The following OSBPL6 variants were observed in gnomAD, a reference collection of about 807,000 sequenced individuals.
OSBPL6 encodes oxysterol-binding protein-related protein 6.
In OSBPL6, 49 loss-of-function variants were observed where a neutral mutation model predicts 125.8. That is an observed-to-expected ratio of 0.39 (90% CI 0.31 to 0.49). The LOEUF (loss-of-function observed/expected upper bound fraction) is 0.49, where lower values mean the gene tolerates loss of function less well. Among genes scored for constraint, OSBPL6 ranks in the 20% least tolerant of loss-of-function variants. The pLI is 0.88. For synonymous variants in OSBPL6, 394 were observed against 391.8 expected (o/e 1.01, Z -0.07); for missense variants, 986 against 1,135.4 (o/e 0.87, Z 1.89).
intron 1 of OSBPL6, among the ~76,000 whole-genome samples, chr2:178,241,775 C>T (rs2091304849): frequency 6.6e-6 from 1 of 152,164 alleles, no homozygotes; most frequent in African/African-American, 2.4e-5. Flanking sequence ...CCTTGGACAA[C>T]AGTGACTTTA....
At position 178,257,508 on chromosome 2, in the gene OSBPL6, A is replaced by T. The variant is rs1017066629; in HGVS notation, c.-350-27419A>T. On this transcript the variant is annotated intron_variant, in intron 1 of 24. Transcript: ENST00000190611. ...CTTTTTCTGTCGTAATATATTAATGATTTCTTCAACAAGGAATATGGCCTA... is the reference window on the plus strand; with the variant it reads ...CTTTTTCTGTCGTAATATATTAATGTTTTCTTCAACAAGGAATATGGCCTA... Among the ~76,000 whole-genome samples, 4 of 152,306 alleles carry T rather than the reference A, an allele frequency of 2.6e-5. No individual in the cohort carries two copies. The South Asian group carries it at 8.3e-4, about 32-fold the overall frequency.
At chr2:178,219,166 T>A (rs566168463) in intron 1 of OSBPL6, among the ~76,000 whole-genome samples, 3 of 152,302 alleles carry the variant, frequency 2.0e-5, no homozygotes, top group Non-Finnish European at 4.4e-5. Flanking sequence ...AGTGATAGAC[T>A]GTAAAAAAAT....
intron 3 of OSBPL6, among the ~76,000 whole-genome samples, chr2:178,317,573 A>G (rs1177910244): frequency 6.7e-6 from 1 of 150,342 alleles, no homozygotes; most frequent in Non-Finnish European, 1.5e-5. Flanking sequence ...TCTCATAAAT[A>G]TAAGATCTGA....
chr2:178,338,441 G>A (rs971583819), intron 9 of OSBPL6, among the ~76,000 whole-genome samples: 7 of 152,140 alleles, frequency 4.6e-5, no homozygotes, highest in Non-Finnish European at 7.3e-5. Context: ...CTGGACCAGC[G>A]AATGCACTTT....
At chr2:178,213,643 G>A (rs2153958750) in intron 1 of OSBPL6, among the ~76,000 whole-genome samples, 1 of 152,288 alleles carries the variant, frequency 6.6e-6, no homozygotes, top group Admixed American at 6.5e-5. Context: ...GTCTGATCAT[G>A]TCACTATGTG....
intron 1 of OSBPL6, among the ~76,000 whole-genome samples, chr2:178,224,999 C>T (rs1383507113): frequency 3.5e-5 from 2 of 56,440 alleles, no homozygotes; most frequent in East Asian, 5.8e-4. Flanking sequence ...TTCTCTCTCT[C>T]TCTTTCTCTC....
intron 1 of OSBPL6, chr2:178,230,540 A>C (rs1464519207): frequency 2.6e-5 from 4 of 152,174 alleles, no homozygotes; most frequent in African/African-American, 9.7e-5. Flanking sequence ...CTAAACGTGA[A>C]AGGTGCCCGA....
intron 1 of OSBPL6, among the ~76,000 whole-genome samples, chr2:178,238,679 C>T (rs2091160853): frequency 6.6e-6 from 1 of 152,092 alleles, no homozygotes; most frequent in South Asian, 2.1e-4. Context: ...TTGATAGATG[C>T]TTAGTTAAGA....
chr2:178,281,521 T>C (rs1158757555), intron 1 of OSBPL6, among the ~76,000 whole-genome samples: 3 of 152,192 alleles, frequency 2.0e-5, no homozygotes, highest in Non-Finnish European at 2.9e-5. Context: ...ATTTATTAAA[T>C]AGGGAATCCT....
chr2:178,212,343 G>A (rs2153956965), intron 1 of OSBPL6, among the ~76,000 whole-genome samples: 1 of 152,282 alleles, frequency 6.6e-6, no homozygotes, highest in Admixed American at 6.5e-5. Context: ...TCTTTTAGGG[G>A]CCAGGGCACT....
At position 178,220,370 on chromosome 2, in the gene OSBPL6, C is replaced by T. The variant is rs113805734; in HGVS notation, c.-351+25696C>T. ...GGAGTGCAGTGGGGTGATCTTGGCT[C>T]ACTGTAACCTCTACCTCCCAGGTTC... is the stretch of plus-strand genomic sequence containing the variant. On this transcript the variant is annotated intron_variant, in intron 1 of 24. Coordinates refer to ENST00000190611, the MANE Select transcript of OSBPL6 (RefSeq NM_032523.4). Among the ~76,000 whole-genome samples the T allele has an allele frequency of 6.6e-5, 10 of 152,252 alleles. 1 individual carries two copies. The highest frequency in any genetic ancestry group is 2.4e-4 in the African/African-American group (10 of 41,548).
chr2:178,332,597 A>G lies in OSBPL6; in HGVS notation c.373-44A>G, dbSNP rs769977197. On this transcript the variant is annotated intron_variant, in intron 6 of 24. Coordinates refer to ENST00000190611, the MANE Select transcript of OSBPL6 (RefSeq NM_032523.4). ...ACTTAAATACAGTACAGAAACATCA[A>G]ATCATATATCCTTTCAGCCTATTTA... The G allele has an allele frequency of 1.8e-5, 25 of 1,410,330 alleles. No individual in the cohort carries two copies. In the East Asian group the frequency reaches 1.8e-4, roughly 10 times the overall value. 87.4% of individuals were successfully genotyped at this position (1,410,330 alleles called of 1,614,324 possible). A position where few individuals can be genotyped will look rare whatever the true frequency, so the allele number is the denominator to read the frequency against.
At chr2:178,394,164 A>G (rs987831749) in intron 23 of OSBPL6, 149 bp from the exon 24 acceptor site, 3 of 921,516 alleles carry the variant, frequency 3.3e-6, no homozygotes, top group East Asian at 5.3e-5. Flanking sequence ...ACACCACTGC[A>G]CTCCAGCCTG....
rs190449032 is a variant in OSBPL6 at position 178,357,767 on chromosome 2, A to G, written c.1154-3915A>G. On this transcript the variant is annotated intron_variant, in intron 12 of 24. Coordinates refer to ENST00000190611, the MANE Select transcript of OSBPL6 (RefSeq NM_032523.4). Reference sequence around the variant, plus strand: ...CCAAAGGATTATAAATCATGCTACTATAAAGACACATGCACACATATGTTT... The same window carrying G: ...CCAAAGGATTATAAATCATGCTACTGTAAAGACACATGCACACATATGTTT... 1.9e-3 allele frequency among the ~76,000 whole-genome samples: 297 copies of G among 152,336 alleles called. 4 individuals carry two copies. Among genetic ancestry groups the G allele is most frequent in the African/African-American group, 6.6e-3 (274 of 41,578 alleles).
At chr2:178,317,901 G>A (rs1302624721) in intron 3 of OSBPL6, among the ~76,000 whole-genome samples, 1 of 152,136 alleles carries the variant, frequency 6.6e-6, no homozygotes, top group Non-Finnish European at 1.5e-5. Context: ...ATGTTCCAGA[G>A]CGTTAGCTCT....
chr2:178,339,274 T>G (rs1422723619), intron 10 of OSBPL6, among the ~76,000 whole-genome samples, 180 bp downstream of exon 10: 2 of 149,388 alleles, frequency 1.3e-5, no homozygotes, highest in Admixed American at 6.8e-5. Flanking sequence ...GTTAAGATGA[T>G]TATTTTAAAA....
intron 2 of OSBPL6, among the ~76,000 whole-genome samples, chr2:178,292,019 G>T (rs1269513306): frequency 2.6e-5 from 4 of 151,926 alleles, no homozygotes. Flanking sequence ...TGTCATGGGG[G>T]TTTGTTGTAC....
At chr2:178,348,231 C>T (rs1690911902) in intron 11 of OSBPL6, among the ~76,000 whole-genome samples, 1 of 152,176 alleles carries the variant, frequency 6.6e-6, no homozygotes, top group Non-Finnish European at 1.5e-5. Flanking sequence ...CCCTGTTAGC[C>T]AGGGGGTGTG....
intron 1 of OSBPL6, among the ~76,000 whole-genome samples, chr2:178,259,966 T>C (rs1326003625): frequency 6.6e-6 from 1 of 152,212 alleles, no homozygotes; most frequent in African/African-American, 2.4e-5. Flanking sequence ...GTAATTACCA[T>C]AGCAGCGATG....
Sources: gnomAD v4.1 joint callset for allele counts (sites outside exome capture counted in the v4.1 genomes callset) on GRCh38, gnomAD v4.1.1 for gene constraint, MANE v1.5 for transcripts, NCBI Gene and HGNC (gene_info 2026-07-23, HGNC 2026-07-21) for gene names.